Variants in PCDHGB2 observed in about 807,000 individuals in gnomAD.
The protein encoded by PCDHGB2 is protocadherin gamma subfamily B, 2.
In PCDHGB2, 55 loss-of-function variants were observed where a neutral mutation model predicts 59.3. That is an observed-to-expected ratio of 0.93 (90% CI 0.75 to 1.16). PCDHGB2 has a LOEUF of 1.16. PCDHGB2 is among the 50% of genes most tolerant of loss of function. PCDHGB2 has a pLI of 0.00. For synonymous variants in PCDHGB2, 516 were observed against 512.0 expected, an observed-to-expected ratio of 1.01 and a Z score of -0.11; for missense variants, 1,228 against 1,198.5, an observed-to-expected ratio of 1.02 and a Z score of -0.36.
intron 1 of PCDHGB2, chr5:141,478,198 ACTT>A (rs2099438516): frequency 1.2e-6 from 2 of 1,613,746 alleles, no homozygotes; most frequent in African/African-American, 1.3e-5. Context: ...CCTTTTATCT[ACTT>A]CTTTCTCTAA....
chr5:141,366,945 A>G, intron 1 of PCDHGB2: 2 of 763,980 alleles, frequency 2.6e-6, no homozygotes, highest in East Asian at 5.7e-5. Flanking sequence ...TCTAGCTGAT[A>G]TCTGTAGACT....
rs574059424 is a variant in PCDHGB2 at position 141,426,522 on chromosome 5, G to A, written c.2421+63966G>A. On this transcript the variant is annotated intron_variant, in intron 1 of 3. Transcript: ENST00000522605. ...AGAAACAATACTTTACCGTGAACAC[G>A]GAGAATGGGAACATACTTGTGAGTG... is the stretch of plus-strand genomic sequence containing the variant. The A allele has an allele frequency of 4.4e-5, 15 of 341,518 alleles. No individual in the cohort carries two copies. In the East Asian group the frequency reaches 6.0e-4, roughly 14 times the overall value. 21.2% of individuals were successfully genotyped at this position (341,518 alleles called of 1,614,324 possible).
At chr5:141,492,068 G>A in intron 1 of PCDHGB2, 1 of 479,628 alleles carries the variant, frequency 2.1e-6, no homozygotes, top group Non-Finnish European at 3.7e-6. Flanking sequence ...AGCCTCCTAG[G>A]CGCCGGCTCC....
In PCDHGB2 at chr5:141,432,896, G is replaced by A. The variant is rs2097547014; in HGVS notation, c.2422-61911G>A. On this transcript the variant is annotated intron_variant, in intron 1 of 3. Transcript: ENST00000522605. This position sits in a 1 kb window ranked among gnomAD's most constrained non-coding sequence, Gnocchi z 6.0. ...CCTGGCCTTCGTCATCTTGCTGCTG[G>A]CGCTCAGGCTGCGGCGCTGGCACAA... is the stretch of plus-strand genomic sequence containing the variant. 6.2e-7 allele frequency: 1 copy of A among 1,614,056 alleles called. No homozygotes were observed. Among genetic ancestry groups the A allele is most frequent in the African/African-American group, 1.3e-5 (1 of 74,946 alleles).
At chr5:141,384,192 C>G in intron 1 of PCDHGB2, 1 of 1,613,866 alleles carries the variant, frequency 6.2e-7, no homozygotes. Flanking sequence ...GAACTCCTCC[C>G]TTGTCCAGGG....
chr5:141,474,412 C>T (rs1282336092), intron 1 of PCDHGB2, among the ~76,000 whole-genome samples: 2 of 152,220 alleles, frequency 1.3e-5, no homozygotes, highest in African/African-American at 2.4e-5. Context: ...CCGGTGATGC[C>T]TAGACCATTG....
At position 141,485,480 on chromosome 5, in the gene PCDHGB2, A is replaced by G. The variant is rs535194185; in HGVS notation, c.2422-9327A>G. On this transcript the variant is annotated intron_variant, in intron 1 of 3. Transcript: ENST00000522605. The surrounding 1 kb of genome is among the most constrained non-coding windows in gnomAD (Gnocchi z 5.7). Reference sequence around the variant, plus strand: ...ACTGTGTGGGCTCAGTGCCAGCTGCATCGTGCCCCTGGAGTTTGTCACCGA... The same window carrying G: ...ACTGTGTGGGCTCAGTGCCAGCTGCGTCGTGCCCCTGGAGTTTGTCACCGA... The G allele has an allele frequency of 2.5e-6, 4 of 1,614,154 alleles. No individual in the cohort carries two copies. The South Asian group carries it at 3.3e-5, about 13-fold the overall frequency.
intron 1 of PCDHGB2, chr5:141,419,364 C>T (rs1360235541): frequency 1.1e-5 from 18 of 1,613,690 alleles, no homozygotes; most frequent in Non-Finnish European, 1.3e-5. Flanking sequence ...CGAACGCTGT[C>T]GTCCTACGTG....
intron 1 of PCDHGB2, among the ~76,000 whole-genome samples, chr5:141,483,709 G>A (rs1486825412): frequency 1.3e-5 from 2 of 152,036 alleles, no homozygotes; most frequent in Non-Finnish European, 2.9e-5. Flanking sequence ...TTTGACACCA[G>A]AATATTGGTT....
Position 141,393,354 on chromosome 5 carries a change from G to A in PCDHGB2, c.2421+30798G>A, listed in dbSNP as rs781276983. The A allele has an allele frequency of 2.4e-5, 39 of 1,613,824 alleles. No homozygotes were observed. The East Asian group carries it at 4.5e-4, about 18-fold the overall frequency. ...CAGCCCCAATCACCACTTCTCCCTG[G>A]ACGTGCAGACTGGAGACAATGGAGC... On this transcript the variant is annotated intron_variant, in intron 1 of 3. Coordinates refer to ENST00000522605, the MANE Select transcript of PCDHGB2 (RefSeq NM_018923.3).
chr5:141,368,627 T>A (rs1237870416), intron 1 of PCDHGB2, among the ~76,000 whole-genome samples: 1 of 152,216 alleles, frequency 6.6e-6, no homozygotes, highest in Admixed American at 6.5e-5. Flanking sequence ...ACATTTCTTC[T>A]GAGTTAAATG....
intron 1 of PCDHGB2, chr5:141,419,150 C>T (rs1276109093): frequency 1.2e-6 from 2 of 1,613,850 alleles, no homozygotes; most frequent in Admixed American, 3.3e-5. Flanking sequence ...GGGCAAGCCT[C>T]CGTTATCCTC....
At chr5:141,478,236 T>C (rs2099440813) in intron 1 of PCDHGB2, 3 of 1,614,156 alleles carry the variant, frequency 1.9e-6, no homozygotes, top group Non-Finnish European at 2.5e-6. Flanking sequence ...GGGTTTGTGG[T>C]CACAGTGTTC....
At position 141,361,465 on chromosome 5, in the gene PCDHGB2, G is replaced by A. The variant is rs548966955; in HGVS notation, c.1330G>A (p.Asp444Asn). ...CATAATTGTCACCCTGCACATCTCC[G>A]ACGTCAACGATAATGCCCCAGTTTT... ...SSIIVTLHISDVNDNAPVFQQ... is the reference protein window; with the variant it reads ...SSIIVTLHISNVNDNAPVFQQ... The change falls in exon 1 of 4, where the codon GAC becomes AAC. Residue 444 changes from aspartate (D) to asparagine (N), a missense_variant. Asp to Asn is a conservative substitution (Grantham distance 23). Around this residue, in one of 3 missense-constraint regions of PCDHGB2, gnomAD observed 781 missense variants for 721.6 expected, o/e 1.08. Transcript: ENST00000522605. 2.4e-4 allele frequency: 384 copies of A among 1,613,986 alleles called. 5 individuals carry two copies. The East Asian group carries it at 8.3e-3, about 35-fold the overall frequency.
In PCDHGB2 at chr5:141,476,877, T is replaced by C. The variant is rs2099400648; in HGVS notation, c.2422-17930T>C. ...CAGTCCTTGTACCGGGCGCGCGTCC[T>C]GGAGGATGCACCCTCCGGCACGCGC... On this transcript the variant is annotated intron_variant, in intron 1 of 3. Transcript: ENST00000522605. This position sits in a 1 kb window ranked among gnomAD's most constrained non-coding sequence, Gnocchi z 7.6. 4.3e-6 allele frequency: 7 copies of C among 1,613,954 alleles called. No homozygotes were observed. The highest frequency in any genetic ancestry group is 5.9e-6 in the Non-Finnish European group (7 of 1,180,038).
intron 1 of PCDHGB2, chr5:141,374,413 C>A (rs773364230): frequency 3.1e-6 from 5 of 1,613,972 alleles, no homozygotes; most frequent in Non-Finnish European, 3.4e-6. Flanking sequence ...ACATCCTTGT[C>A]GAGGATAAAC....
chr5:141,452,710 G>GAAGT (rs1343622540), intron 1 of PCDHGB2, among the ~76,000 whole-genome samples: 1 of 151,996 alleles, frequency 6.6e-6, no homozygotes, highest in Non-Finnish European at 1.5e-5. Flanking sequence ...AGAAAGGAAG[G>GAAGT]AATGAGGGAG....
intron 1 of PCDHGB2, chr5:141,391,548 C>T (rs1045663791): frequency 6.6e-6 from 1 of 152,106 alleles, no homozygotes; most frequent in African/African-American, 2.4e-5. Flanking sequence ...ATTGTCTACC[C>T]AGTTTTCCAT....
At chr5:141,400,192 G>A (rs1411721247) in intron 1 of PCDHGB2, 1 of 1,614,088 alleles carries the variant, frequency 6.2e-7, no homozygotes, top group South Asian at 1.1e-5. Context: ...GTTTTACCTA[G>A]TGGTGGCCTT....
Sources: gnomAD v4.1 joint callset for allele counts (sites outside exome capture counted in the v4.1 genomes callset) on GRCh38, gnomAD v4.1.1 for gene constraint, gnomAD v4.1.1 regional missense constraint, Gnocchi (gnomAD v3.1) non-coding constraint, MANE v1.5 for transcripts, NCBI Gene and HGNC (gene_info 2026-07-23, HGNC 2026-07-21) for gene names.